Variants in HS3ST4 observed in about 807,000 individuals in gnomAD.
HS3ST4 encodes heparan sulfate-glucosamine 3-sulfotransferase 4.
HS3ST4 carries 17 observed loss-of-function variants against 29.2 expected under a neutral mutation model. That is an observed-to-expected ratio of 0.58 (90% CI 0.40 to 0.87). HS3ST4 has a LOEUF of 0.87. HS3ST4 is among the 40% of genes least tolerant of loss of function. HS3ST4 has a pLI of 0.00. For missense variants in HS3ST4, 627 were observed against 634.5 expected, an observed-to-expected ratio of 0.99 and a Z score of 0.13; for synonymous variants, 314 against 285.7, an observed-to-expected ratio of 1.10 and a Z score of -1.00.
At chr16:25,831,681 C>G (rs951068011) in intron 1 of HS3ST4, among the ~76,000 whole-genome samples, 2 of 152,118 alleles carry the variant, frequency 1.3e-5, no homozygotes, top group Admixed American at 6.5e-5. Flanking sequence ...AACATGGGCC[C>G]TGTCTGTTAT....
chr16:25,915,289 C>T (rs1295557147), intron 1 of HS3ST4, among the ~76,000 whole-genome samples: 1 of 152,190 alleles, frequency 6.6e-6, no homozygotes, highest in African/African-American at 2.4e-5. Context: ...CCCAATAGAT[C>T]TGCTTGCTGT....
chr16:25,722,552 G>T (rs11863561), intron 1 of HS3ST4, among the ~76,000 whole-genome samples: 1 of 152,104 alleles, frequency 6.6e-6, no homozygotes, highest in Admixed American at 6.5e-5. Context: ...TATGGATACA[G>T]TGTCACCTGG....
intron 1 of HS3ST4, among the ~76,000 whole-genome samples, chr16:26,133,941 C>T (rs1005112655): frequency 6.6e-6 from 1 of 152,184 alleles, no homozygotes; most frequent in Non-Finnish European, 1.5e-5. Context: ...GCCTGCTGTA[C>T]TGACAGGTAT....
chr16:25,900,874 G>A (rs1031841256), intron 1 of HS3ST4, among the ~76,000 whole-genome samples: 1 of 152,078 alleles, frequency 6.6e-6, no homozygotes. Flanking sequence ...AGATTTTAAT[G>A]TAGTCCTAGA....
chr16:26,027,636 C>T (rs1969489366), intron 1 of HS3ST4, among the ~76,000 whole-genome samples: 1 of 152,208 alleles, frequency 6.6e-6, no homozygotes, highest in Non-Finnish European at 1.5e-5. Flanking sequence ...GTGAGAACAG[C>T]TTCCTAGGAC....
intron 1 of HS3ST4, among the ~76,000 whole-genome samples, chr16:25,865,599 G>T (rs1235539824): frequency 2.6e-5 from 4 of 152,146 alleles, no homozygotes; most frequent in African/African-American, 7.2e-5. Flanking sequence ...AATCAAATCT[G>T]CATGGTACTG....
intron 1 of HS3ST4, among the ~76,000 whole-genome samples, chr16:26,101,617 G>T (rs1393279406): frequency 6.6e-6 from 1 of 152,180 alleles, no homozygotes; most frequent in Non-Finnish European, 1.5e-5. Context: ...TTTTCCATAG[G>T]ATTCCTGATA....
chr16:26,041,527 G>A (rs776743940), intron 1 of HS3ST4, among the ~76,000 whole-genome samples: 1 of 152,092 alleles, frequency 6.6e-6, no homozygotes, highest in African/African-American at 2.4e-5. Flanking sequence ...TCCTGTAGGT[G>A]ATTCTGATGC....
intron 1 of HS3ST4, among the ~76,000 whole-genome samples, chr16:25,765,701 C>G (rs563081197): frequency 6.6e-6 from 1 of 152,328 alleles, no homozygotes; most frequent in South Asian, 2.1e-4. Context: ...ATCTGCTTAA[C>G]TTAGTCGCAT....
intron 1 of HS3ST4, among the ~76,000 whole-genome samples, chr16:25,715,847 T>A (rs1966450509): frequency 6.6e-6 from 1 of 152,198 alleles, no homozygotes; most frequent in Non-Finnish European, 1.5e-5. Flanking sequence ...GAAGACTGCC[T>A]TGGGGCTTCC....
intron 1 of HS3ST4, among the ~76,000 whole-genome samples, chr16:26,119,959 G>A (rs1380702906): frequency 6.6e-6 from 1 of 152,084 alleles, no homozygotes; most frequent in Non-Finnish European, 1.5e-5. Flanking sequence ...TTTTAGGTGG[G>A]GTTCTTGGGG....
At chr16:25,735,490 G>A (rs1966602455) in intron 1 of HS3ST4, among the ~76,000 whole-genome samples, 1 of 151,974 alleles carries the variant, frequency 6.6e-6, no homozygotes, top group South Asian at 2.1e-4. Flanking sequence ...CTGGGCTTAA[G>A]CAACCCTCCA....
intron 1 of HS3ST4, among the ~76,000 whole-genome samples, chr16:25,811,108 GA>G (rs1464104522): frequency 1.3e-5 from 2 of 152,168 alleles, no homozygotes; most frequent in African/African-American, 4.8e-5. Flanking sequence ...TTATTTAACA[GA>G]AAAATTTCAC....
intron 1 of HS3ST4, among the ~76,000 whole-genome samples, chr16:26,112,047 G>T (rs965303045): frequency 1.3e-4 from 20 of 151,028 alleles, no homozygotes; most frequent in African/African-American, 4.6e-4. Flanking sequence ...TTTGAGCCCT[G>T]CCACAATTTA....
intron 1 of HS3ST4, among the ~76,000 whole-genome samples, chr16:25,990,254 G>A (rs935882427): frequency 2.0e-5 from 3 of 152,162 alleles, no homozygotes. Context: ...TACGTTTTCA[G>A]CTCCTTTGGG....
At chr16:25,727,416 C>T (rs73524775) in intron 1 of HS3ST4, among the ~76,000 whole-genome samples, 64 of 152,072 alleles carry the variant, frequency 4.2e-4, no homozygotes, top group African/African-American at 1.5e-3. Flanking sequence ...CCATGAATTT[C>T]CCTTTAAAAA....
intron 1 of HS3ST4, among the ~76,000 whole-genome samples, chr16:25,738,767 C>G (rs1297442330): frequency 6.6e-6 from 1 of 152,164 alleles, no homozygotes; most frequent in South Asian, 2.1e-4. Flanking sequence ...TTAGGCTTCT[C>G]CCTCCAGCTC....
intron 1 of HS3ST4, among the ~76,000 whole-genome samples, chr16:25,883,389 C>T (rs553686599): frequency 1.2e-3 from 83 of 68,242 alleles, no homozygotes; most frequent in African/African-American, 4.8e-3. Flanking sequence ...GAAAAAACAA[C>T]AAAAAAAATA....
intron 1 of HS3ST4, among the ~76,000 whole-genome samples, chr16:25,866,908 C>T (rs1277985269): frequency 6.6e-6 from 1 of 152,132 alleles, no homozygotes; most frequent in Non-Finnish European, 1.5e-5. Context: ...CTTCCATGTA[C>T]TGGGAACTTG....
Sources: allele counts gnomAD v4.1 joint callset (sites outside exome capture counted in the v4.1 genomes callset), GRCh38; gene constraint gnomAD v4.1.1; transcripts MANE v1.5; gene names NCBI Gene and HGNC (gene_info 2026-07-23, HGNC 2026-07-21).